NCK1: variants seen among roughly 807,000 people sequenced by gnomAD.
NCK1 encodes SH2/SH3 adapter protein NCK1.
NCK1 carries 19 observed loss-of-function variants against 36.6 expected under a neutral mutation model. The observed-to-expected ratio is 0.52, with a 90% CI of 0.36 to 0.76. The LOEUF is 0.76. Ranked by LOEUF, NCK1 falls within the 30% of genes least tolerant of loss-of-function variation. The pLI, the probability that NCK1 is intolerant of heterozygous loss-of-function variation, is 0.00. For synonymous variants in NCK1, 165 were observed against 156.0 expected (o/e 1.06, Z -0.43); for missense variants, 358 against 445.6 (o/e 0.80, Z 1.77).
chr3:136,890,267 G>T (rs1031240456), intron 1 of NCK1, among the ~76,000 whole-genome samples: 9 of 152,150 alleles, frequency 5.9e-5, no homozygotes, highest in African/African-American at 2.2e-4. Context: ...TGTCCGGCCG[G>T]CAGGGCCGGC....
At chr3:136,894,165 C>T (rs1939332063) in intron 1 of NCK1, among the ~76,000 whole-genome samples, 1 of 152,084 alleles carries the variant, frequency 6.6e-6, no homozygotes, top group South Asian at 2.1e-4. Context: ...CCATAGTGAC[C>T]AAGTGGTGGT....
At chr3:136,922,079 G>A (rs898129207) in intron 1 of NCK1, among the ~76,000 whole-genome samples, 15 of 152,174 alleles carry the variant, frequency 9.9e-5, no homozygotes, top group African/African-American at 2.9e-4. Flanking sequence ...CACCGCGCCC[G>A]GCCACTGAGT....
intron 2 of NCK1, among the ~76,000 whole-genome samples, chr3:136,944,313 T>G (rs1386205650): frequency 6.6e-6 from 1 of 151,830 alleles, no homozygotes; most frequent in Admixed American, 6.6e-5. Context: ...GAGACGGGGT[T>G]TCACCATGTT....
At chr3:136,916,530 G>T (rs1939967963) in intron 1 of NCK1, among the ~76,000 whole-genome samples, 1 of 151,910 alleles carries the variant, frequency 6.6e-6, no homozygotes, top group African/African-American at 2.4e-5. Flanking sequence ...AGCATATTCA[G>T]GTTTTATGAA....
At chr3:136,875,621 C>T (rs1226090124) in intron 1 of NCK1, among the ~76,000 whole-genome samples, 2 of 151,904 alleles carry the variant, frequency 1.3e-5, no homozygotes, top group Non-Finnish European at 2.9e-5. Flanking sequence ...AATATATATG[C>T]ACCCAATACA....
At chr3:136,891,800 T>C (rs1448321583) in intron 1 of NCK1, among the ~76,000 whole-genome samples, 4 of 152,236 alleles carry the variant, frequency 2.6e-5, no homozygotes, top group African/African-American at 7.2e-5. Context: ...GATGGTGATA[T>C]GATCATCTTT....
intron 1 of NCK1, among the ~76,000 whole-genome samples, chr3:136,906,520 G>T (rs1346971114): frequency 2.0e-5 from 3 of 152,202 alleles, no homozygotes; most frequent in Non-Finnish European, 4.4e-5. Context: ...GGCAGTGTAT[G>T]CTGGCACCAG....
At chr3:136,930,908 T>C (rs1424416769) in intron 2 of NCK1, among the ~76,000 whole-genome samples, 1 of 152,120 alleles carries the variant, frequency 6.6e-6, no homozygotes, top group Non-Finnish European at 1.5e-5. Flanking sequence ...ATTAAATAAA[T>C]TGTAAACATT....
At chr3:136,926,261 A>C (rs950611343) in intron 1 of NCK1, among the ~76,000 whole-genome samples, 9 of 148,422 alleles carry the variant, frequency 6.1e-5, no homozygotes, top group Non-Finnish European at 7.5e-5. Context: ...ATTTTATTTT[A>C]AATTTTATTA....
chr3:136,948,290 A>G lies in NCK1; in HGVS notation c.971A>G (p.Gln324Arg). The change falls in exon 4 of 4, where the codon CAA becomes CGA. Residue 324 changes from glutamine to arginine, a missense_variant. Around this residue, in one of 3 missense-constraint regions of NCK1, gnomAD observed 207 missense variants for 253.4 expected, o/e 0.82. Coordinates refer to ENST00000481752, the MANE Select transcript of NCK1 (RefSeq NM_001291999.2). ...GATTTCTCAGTATCACTAAAAGCAC[A>G]AGGGAAAAACAAGCATTTTAAAGTC... ...PNDFSVSLKAQGKNKHFKVQL... is the reference protein window; with the variant it reads ...PNDFSVSLKARGKNKHFKVQL... 6.2e-7 allele frequency: 1 copy of G among 1,605,960 alleles called. No homozygotes were observed.
intron 1 of NCK1, among the ~76,000 whole-genome samples, chr3:136,866,928 TA>T (rs1384777361): frequency 5.0e-5 from 4 of 79,656 alleles, no homozygotes; most frequent in East Asian, 7.9e-4. Flanking sequence ...GCCTAGTCTT[TA>T]AAATTTTTTT....
intron 2 of NCK1, chr3:136,930,643 T>C (rs1940367255): frequency 4.4e-6 from 6 of 1,365,286 alleles, no homozygotes; most frequent in Non-Finnish European, 5.8e-6. Context: ...AGTTGTGAAT[T>C]AGATTTTCTG....
chr3:136,939,883 CTT>C (rs1940626855), intron 2 of NCK1, among the ~76,000 whole-genome samples: 1 of 114,582 alleles, frequency 8.7e-6, no homozygotes, highest in East Asian at 2.7e-4. Flanking sequence ...CAGGGTCTCT[CTT>C]TGTTACCTAG....
At chr3:136,885,711 G>A (rs1344340622) in intron 1 of NCK1, among the ~76,000 whole-genome samples, 1 of 152,084 alleles carries the variant, frequency 6.6e-6, no homozygotes, top group Non-Finnish European at 1.5e-5. Flanking sequence ...AAACTACTTA[G>A]CATACTTACT....
Position 136,945,626 on chromosome 3 carries a change from A to G in NCK1, c.270A>G (p.Ala90=). 1 of 1,613,692 alleles carries G rather than the reference A, an allele frequency of 6.2e-7. No individual in the cohort carries two copies. The highest frequency in any genetic ancestry group is 8.5e-7 in the Non-Finnish European group (1 of 1,179,750). Residue 90 remains alanine, a synonymous_variant, in exon 3 of 4, where the codon GCA becomes GCG. Transcript: ENST00000481752. The stretch of plus-strand genomic sequence containing the variant: ...GAAAACCTAGTGTGCCAGATTCTGC[A>G]TCTCCTGCTGATGATAGTTTTGTTG... ...VKRKPSVPDS[A]SPADDSFVDP...
intron 1 of NCK1, among the ~76,000 whole-genome samples, chr3:136,922,971 C>T (rs969125222): frequency 6.6e-6 from 1 of 152,068 alleles, no homozygotes; most frequent in Non-Finnish European, 1.5e-5. Context: ...ATAATGATGA[C>T]GCACTCTGCA....
rs1940940339 is a variant in NCK1 at position 136,950,288 on chromosome 3, A to C, written c.*1835A>C. Among the ~76,000 whole-genome samples, 2 of 152,124 alleles carry C rather than the reference A, an allele frequency of 1.3e-5. No individual in the cohort carries two copies. The highest frequency in any genetic ancestry group is 2.9e-5 in the Non-Finnish European group (2 of 67,966). ...GTATGTTTGTAAAAAGAGAACAATT[A>C]ATGCTTTGCATCACAGACATAAACT... is the stretch of plus-strand genomic sequence containing the variant. On this transcript the variant is annotated 3_prime_UTR_variant, in exon 4 of 4. Transcript: ENST00000481752.
At chr3:136,867,267 T>TC (rs756570972) in intron 1 of NCK1, among the ~76,000 whole-genome samples, 8 of 103,074 alleles carry the variant, frequency 7.8e-5, no homozygotes, top group Non-Finnish European at 1.3e-4. Flanking sequence ...CTCTCTCTCT[T>TC]TCTTTCTTTC....
At chr3:136,893,316 A>G (rs1022197874) in intron 1 of NCK1, among the ~76,000 whole-genome samples, 3 of 141,758 alleles carry the variant, frequency 2.1e-5, no homozygotes, top group African/African-American at 7.8e-5. Flanking sequence ...GTCAACATCT[A>G]TTTTTTGATT....
Sources: allele counts gnomAD v4.1 joint callset (sites outside exome capture counted in the v4.1 genomes callset), GRCh38; gene constraint gnomAD v4.1.1; regional missense constraint gnomAD v4.1.1; transcripts MANE v1.5; gene names NCBI Gene and HGNC (gene_info 2026-07-23, HGNC 2026-07-21).